The following DOCK3 variants were observed in gnomAD, a reference collection of about 807,000 sequenced individuals.
DOCK3 encodes the protein dedicator of cytokinesis 3, also known as dedicator of cytokinesis protein 3.
DOCK3 carries 60 observed loss-of-function variants against 265.6 expected under a neutral mutation model. That is an observed-to-expected ratio of 0.23 (90% confidence interval 0.18 to 0.28). The LOEUF is 0.28. Ranked by LOEUF, DOCK3 falls within the 10% of genes least tolerant of loss-of-function variation. The probability of loss-of-function intolerance (pLI) is 1.00; values close to 1 mark genes in which losing one functional copy is unlikely to be tolerated. For synonymous variants in DOCK3, 881 were observed against 938.0 expected (o/e 0.94, Z 1.11); for missense variants, 1,981 against 2,594.3 (o/e 0.76, Z 5.14).
chr3:51,231,682 C>T (rs994790973), intron 19 of DOCK3, among the ~76,000 whole-genome samples: 2 of 152,156 alleles, frequency 1.3e-5, no homozygotes, highest in African/African-American at 4.8e-5. Flanking sequence ...GCATAGTTTG[C>T]AAATATTTTC....
chr3:51,323,990 A>G (rs2083915338), intron 32 of DOCK3, among the ~76,000 whole-genome samples: 2 of 152,320 alleles, frequency 1.3e-5, no homozygotes, highest in Non-Finnish European at 2.9e-5. Flanking sequence ...CAAAAACTGG[A>G]AGCATTCCCT....
intron 12 of DOCK3, among the ~76,000 whole-genome samples, chr3:51,191,937 T>C (rs2087972910): frequency 6.6e-6 from 1 of 151,054 alleles, no homozygotes; most frequent in Admixed American, 6.6e-5. Flanking sequence ...GTTGTACAAG[T>C]AGTTTGGAAA....
At chr3:50,941,280 G>A (rs374158185) in intron 5 of DOCK3, among the ~76,000 whole-genome samples, 3 of 152,090 alleles carry the variant, frequency 2.0e-5, no homozygotes, top group African/African-American at 7.2e-5. Context: ...GGGACAAGGA[G>A]GATATGTGGC....
chr3:51,186,953 G>T (rs1453313879), intron 12 of DOCK3, among the ~76,000 whole-genome samples: 1 of 152,234 alleles, frequency 6.6e-6, no homozygotes. Flanking sequence ...GGGCAGTGCA[G>T]AAGGGAAATG....
rs1406297145 is a variant in DOCK3, at chr3:51,379,993, T to C, written c.5501-132T>C. ...GAAGGCCAGTGTAAAGAGAGGTTTA[T>C]CCATAGCCCTCAATGCTGAGGGGTC... On this transcript the variant is annotated intron_variant, in intron 51 of 52. Transcript: ENST00000266037. 5.7e-6 allele frequency: 4 copies of C among 702,234 alleles called. No individual in the cohort carries two copies. In the African/African-American group the frequency reaches 7.2e-5, roughly 13 times the overall value. The allele number at this position is 702,234 out of a possible 1,614,324, so 43.5% of individuals were successfully genotyped here.
At chr3:50,762,536 G>C (rs1386196370) in intron 1 of DOCK3, among the ~76,000 whole-genome samples, 1 of 152,072 alleles carries the variant, frequency 6.6e-6, no homozygotes, top group Non-Finnish European at 1.5e-5. Context: ...TCTACTTCTG[G>C]TAAGGTAGGG....
intron 4 of DOCK3, among the ~76,000 whole-genome samples, chr3:50,898,403 A>G (rs2049001021): frequency 6.6e-6 from 1 of 152,018 alleles, no homozygotes; most frequent in Non-Finnish European, 1.5e-5. Flanking sequence ...CGGTCTACCT[A>G]TTTTGTTAAT....
intron 2 of DOCK3, among the ~76,000 whole-genome samples, chr3:50,805,793 A>G (rs2043375940): frequency 6.6e-6 from 1 of 152,018 alleles, no homozygotes; most frequent in African/African-American, 2.4e-5. Context: ...TCCTGGGTGC[A>G]TGTCTGCTGG....
rs188810042 is a variant in DOCK3 at position 51,073,343 on chromosome 3, G to C, written c.465-2013G>C. On this transcript the variant is annotated intron_variant, in intron 6 of 52. Transcript: ENST00000266037. The stretch of plus-strand genomic sequence containing the variant: ...TTATGTCAGTTGCTTTTTATAAGAA[G>C]GGGTTAGAAAGGATGTACTGCACCT... Among the ~76,000 whole-genome samples the C allele has an allele frequency of 4.5e-4, 68 of 152,256 alleles. No homozygotes were observed. The East Asian group carries it at 0.01, about 23-fold the overall frequency.
intron 3 of DOCK3, among the ~76,000 whole-genome samples, chr3:50,861,562 CTT>C (rs1011124882): frequency 1.8e-4 from 28 of 152,140 alleles, no homozygotes; most frequent in African/African-American, 6.7e-4. Context: ...CTCTCTGTCT[CTT>C]TTTGTAATTT....
chr3:51,198,144 C>T (rs748415059), intron 12 of DOCK3, among the ~76,000 whole-genome samples: 4 of 152,230 alleles, frequency 2.6e-5, no homozygotes, highest in South Asian at 2.1e-4. Flanking sequence ...CCAAAGGCTG[C>T]GTTTGAAAAT....
chr3:50,776,784 A>T (rs1195422256), intron 1 of DOCK3, among the ~76,000 whole-genome samples: 3 of 152,060 alleles, frequency 2.0e-5, no homozygotes, highest in Non-Finnish European at 4.4e-5. Flanking sequence ...TCATTCTTCT[A>T]CATGTGGCTT....
Position 51,280,108 on chromosome 3 carries a change from C to T in DOCK3, c.2826C>T (p.Gly942=), listed in dbSNP as rs765809822. The T allele has an allele frequency of 6.2e-6, 10 of 1,613,362 alleles. No homozygotes were observed. Among genetic ancestry groups the T allele is most frequent in the Non-Finnish European group, 7.6e-6 (9 of 1,179,622 alleles). The change falls in exon 27 of 53, where the codon GGC becomes GGT. Residue 942 remains glycine (G), a splice_region_variant and synonymous_variant. Transcript: ENST00000266037. ...TGTTTTTTTGGGTTGGTCCCTAGGG[C>T]GAGTATGTGTCCTGCCTTCTCTCAC... ...RCPQCTAEIT[G]EYVSCLLSLL... is the part of the protein sequence containing the mutation.
At chr3:51,333,120 A>T in intron 34 of DOCK3, 38 bp from the exon 35 acceptor site, 2 of 1,613,950 alleles carry the variant, frequency 1.2e-6, no homozygotes, top group Non-Finnish European at 1.7e-6. Flanking sequence ...GAGAAGGCTC[A>T]TGAATTGTGT....
At position 51,208,674 on chromosome 3, in the gene DOCK3, G is replaced by T. The variant is rs1452192315; in HGVS notation, c.1038-100G>T. 1.2e-5 allele frequency: 11 copies of T among 896,642 alleles called. No homozygotes were observed. The Admixed American group carries it at 2.2e-4, about 18-fold the overall frequency. 55.5% of individuals were successfully genotyped at this position (896,642 alleles called of 1,614,324 possible). A position where few individuals can be genotyped will look rare whatever the true frequency, so the allele number is the denominator to read the frequency against. On this transcript the variant is annotated intron_variant, in intron 12 of 52. Coordinates refer to ENST00000266037, the MANE Select transcript of DOCK3 (RefSeq NM_004947.5). The stretch of plus-strand genomic sequence containing the variant: ...CAGAACATCATTTCTTTAGGAAAGT[G>T]AGGGATCCTTTTCCCTTTGAACTTA...
intron 22 of DOCK3, 95 bp downstream of exon 22, chr3:51,246,902 C>A: frequency 1.6e-6 from 2 of 1,215,346 alleles, no homozygotes; most frequent in Non-Finnish European, 1.2e-6. Context: ...ATGTAGACAT[C>A]GCAGTACCTG....
chr3:50,760,001 G>A (rs2040425939), intron 1 of DOCK3, among the ~76,000 whole-genome samples: 2 of 149,988 alleles, frequency 1.3e-5, no homozygotes, highest in Admixed American at 1.3e-4. Context: ...ATGCATACAA[G>A]TTTTAAATTT....
chr3:50,724,374 A>G (rs758715139), intron 1 of DOCK3, among the ~76,000 whole-genome samples: 16 of 152,058 alleles, frequency 1.1e-4, no homozygotes, highest in African/African-American at 2.2e-4. Context: ...AAATCATTCT[A>G]TAAAGACACA....
chr3:51,011,631 G>T (rs2078955281), intron 5 of DOCK3, among the ~76,000 whole-genome samples: 1 of 152,192 alleles, frequency 6.6e-6, no homozygotes. Context: ...ACTTGTCAAA[G>T]TCATTCTCTA....
Sources: allele counts gnomAD v4.1 joint callset (sites outside exome capture counted in the v4.1 genomes callset), GRCh38; gene constraint gnomAD v4.1.1; transcripts MANE v1.5; gene names NCBI Gene and HGNC (gene_info 2026-07-23, HGNC 2026-07-21).